Variants in ARGLU1 observed in about 807,000 individuals in gnomAD.
The protein encoded by ARGLU1 is arginine and glutamate-rich protein 1.
ARGLU1 carries 9 observed loss-of-function variants against 37.6 expected under a neutral mutation model. That is an observed-to-expected ratio of 0.24 (90% CI 0.14 to 0.42). The LOEUF is 0.42. Ranked by LOEUF, ARGLU1 falls within the 10% of genes least tolerant of loss-of-function variation. ARGLU1 has a pLI of 1.00. For missense variants in ARGLU1, 211 were observed against 359.2 expected (o/e 0.59, Z 3.34); for synonymous variants, 166 against 138.5 (o/e 1.20, Z -1.39).
chr13:106,561,136 CTT>C (rs1219014433), intron 1 of ARGLU1, among the ~76,000 whole-genome samples: 3 of 152,136 alleles, frequency 2.0e-5, no homozygotes, highest in Admixed American at 1.3e-4. Flanking sequence ...ATTCTCAGGA[CTT>C]TGTTGTTTGA....
In ARGLU1 at chr13:106,557,172, G is replaced by T. The variant is rs751375257; in HGVS notation, c.574-41C>A. 1 of 1,505,288 alleles carries T rather than the reference G, an allele frequency of 6.6e-7. No individual in the cohort carries two copies. Among genetic ancestry groups the T allele is most frequent in the African/African-American group, 1.4e-5 (1 of 72,338 alleles). 93.2% of individuals were successfully genotyped at this position (1,505,288 alleles called of 1,614,324 possible). ...TGTTAAGATATTAGAAAAACAAAAT[G>T]TTTATTTTTATTGATAAATATTTAC... On this transcript the variant is annotated intron_variant, in intron 2 of 3. Transcript: ENST00000400198. This position sits in a 1 kb window ranked among gnomAD's most constrained non-coding sequence, Gnocchi z 5.0.
intron 2 of ARGLU1, 48 bp downstream of exon 2, chr13:106,559,383 GA>G: frequency 6.2e-7 from 1 of 1,608,534 alleles, no homozygotes; most frequent in Non-Finnish European, 8.5e-7. Flanking sequence ...ACCCAACACT[GA>G]AAGTTTTGCC....
At chr13:106,561,472 T>C (rs528136156) in intron 1 of ARGLU1, among the ~76,000 whole-genome samples, 61 of 151,828 alleles carry the variant, frequency 4.0e-4, no homozygotes, top group African/African-American at 1.4e-3. Flanking sequence ...CTTTTGCTAG[T>C]TGGTTCTTCT....
At chr13:106,545,557 T>C (rs924153818) in intron 3 of ARGLU1, among the ~76,000 whole-genome samples, 10 of 152,304 alleles carry the variant, frequency 6.6e-5, no homozygotes, top group South Asian at 4.2e-4. Context: ...TTTGTCTCCA[T>C]TGATATATAT....
At chr13:106,551,872 T>C (rs1880539276) in intron 3 of ARGLU1, among the ~76,000 whole-genome samples, 1 of 152,188 alleles carries the variant, frequency 6.6e-6, no homozygotes, top group African/African-American at 2.4e-5. Context: ...AATTTCCCTC[T>C]GCCTCTCTAA....
intron 3 of ARGLU1, among the ~76,000 whole-genome samples, chr13:106,555,316 G>A (rs916103685): frequency 5.9e-5 from 9 of 152,114 alleles, no homozygotes; most frequent in African/African-American, 2.2e-4. Context: ...ACCCGAGACT[G>A]CGCCATTGCA....
intron 3 of ARGLU1, among the ~76,000 whole-genome samples, chr13:106,548,805 A>G (rs4772796): frequency 0.3 from 45,874 of 152,030 alleles, 7,107 homozygotes; most frequent in South Asian, 0.36. Context: ...CTGGAGTGCA[A>G]TGACACGATC....
intron 1 of ARGLU1, chr13:106,561,708 G>C (rs1880806732): frequency 6.6e-6 from 1 of 152,186 alleles, no homozygotes; most frequent in African/African-American, 2.4e-5. Context: ...GAAGAGACCT[G>C]ATACACACTC....
chr13:106,545,605 G>A (rs1392410353), intron 3 of ARGLU1, among the ~76,000 whole-genome samples: 3 of 152,144 alleles, frequency 2.0e-5, no homozygotes, highest in African/African-American at 7.2e-5. Flanking sequence ...CTGGTTTACA[G>A]GCATTTATGG....
chr13:106,558,210 A>G, intron 2 of ARGLU1: 1 of 985,152 alleles, frequency 1.0e-6, no homozygotes. Flanking sequence ...AGACAGCACC[A>G]TTACTCCAAA....
In ARGLU1 at chr13:106,557,064, T is replaced by G. The variant is rs773323019; in HGVS notation, c.641A>C (p.Glu214Ala). 6.2e-7 allele frequency: 1 copy of G among 1,613,940 alleles called. No individual in the cohort carries two copies. The highest frequency in any genetic ancestry group is 2.2e-5 in the East Asian group (1 of 44,858). Residue 214 changes from glutamate to alanine, a missense_variant, in exon 3 of 4, where the codon GAA becomes GCA. Glu to Ala is a moderately radical substitution (Grantham distance 107). This residue lies in a region of ARGLU1 where 80 missense variants were observed against 158.4 expected (regional missense o/e 0.51). Transcript: ENST00000400198. The surrounding 1 kb of genome is among the most constrained non-coding windows in gnomAD (Gnocchi z 5.0). ...TACACTTACCAGTTTGGCTTGTGCTTCTGCAATTTTTCGGTTATTCTCTTC... is the reference window on the plus strand; with the variant it reads ...TACACTTACCAGTTTGGCTTGTGCTGCTGCAATTTTTCGGTTATTCTCTTC... Reference protein sequence around the residue: ...ILEENNRKIAEAQAKLAEEQL... With the variant: ...ILEENNRKIAAAQAKLAEEQL...
intron 2 of ARGLU1, chr13:106,558,015 C>T: frequency 1.0e-6 from 1 of 985,206 alleles, no homozygotes; most frequent in African/African-American, 1.7e-5. Flanking sequence ...TTTTATAATG[C>T]AAACTGTATG....
chr13:106,561,788 G>A (rs1039779225), intron 1 of ARGLU1: 4 of 152,216 alleles, frequency 2.6e-5, no homozygotes, highest in Non-Finnish European at 1.5e-5. Context: ...CATTTCCATA[G>A]CTTTGGTCAG....
rs919754392 is a variant in ARGLU1, at chr13:106,561,071, AG to A, written c.348-1415del. On this transcript the variant is annotated intron_variant, in intron 1 of 3. Transcript: ENST00000400198. ...TACATTCTTCTGTCAAGGAGACAGT[AG>A]GTACTAGAGAAAGAATATTTTCCTT... Among the ~76,000 whole-genome samples, 8 of 152,310 alleles carry A rather than the reference AG, an allele frequency of 5.3e-5. No homozygotes were observed. In the South Asian group the frequency reaches 1.2e-3, roughly 24 times the overall value.
rs117485575 is a variant in ARGLU1 at position 106,564,502 on chromosome 13, C to G, written c.347+3071G>C. On this transcript the variant is annotated intron_variant, in intron 1 of 3. Transcript: ENST00000400198. ...AACCCAATGGTTGATTCTTATTTTA[C>G]GGTCTCTTTCCATCTAACTAGATTT... Among the ~76,000 whole-genome samples, 40 of 152,302 alleles carry G rather than the reference C, an allele frequency of 2.6e-4. No homozygotes were observed. The South Asian group carries it at 7.5e-3, about 28-fold the overall frequency.
intron 2 of ARGLU1, chr13:106,558,941 AAAG>A (rs1317991131): frequency 1.0e-6 from 1 of 985,326 alleles, no homozygotes; most frequent in African/African-American, 1.7e-5. Context: ...AGAAGGAAAA[AAAG>A]AAGAGTGAGA....
At chr13:106,552,298 A>C (rs1287631352) in intron 3 of ARGLU1, among the ~76,000 whole-genome samples, 1 of 152,176 alleles carries the variant, frequency 6.6e-6, no homozygotes, top group Admixed American at 6.5e-5. Flanking sequence ...GTAAATCTAG[A>C]ATTTATAACT....
At chr13:106,552,868 AC>A (rs1275274449) in intron 3 of ARGLU1, among the ~76,000 whole-genome samples, 1 of 152,234 alleles carries the variant, frequency 6.6e-6, no homozygotes, top group Non-Finnish European at 1.5e-5. Flanking sequence ...GTTGGTTAAT[AC>A]TTTTGTCTCT....
intron 2 of ARGLU1, chr13:106,558,617 T>C (rs926898753): frequency 1.2e-4 from 117 of 985,304 alleles, no homozygotes; most frequent in Non-Finnish European, 1.3e-4. Flanking sequence ...GAGTAATCAG[T>C]GCAAACAAGC....
Sources: gnomAD v4.1 joint callset for allele counts (sites outside exome capture counted in the v4.1 genomes callset) on GRCh38, gnomAD v4.1.1 for gene constraint, gnomAD v4.1.1 regional missense constraint, Gnocchi (gnomAD v3.1) non-coding constraint, MANE v1.5 for transcripts, NCBI Gene and HGNC (gene_info 2026-07-23, HGNC 2026-07-21) for gene names.